The following NRXN3 variants were observed in gnomAD, a reference collection of about 807,000 sequenced individuals.
NRXN3 encodes neurexin 3.
In NRXN3, 32 loss-of-function variants were observed where a neutral mutation model predicts 137.6. The ratio of observed to expected loss-of-function variants is 0.23; its 90% confidence interval spans 0.18 to 0.31. NRXN3 has a LOEUF of 0.31. Ranked by LOEUF, NRXN3 falls within the 10% of genes least tolerant of loss-of-function variation. The pLI is 1.00. For synonymous variants in NRXN3, 798 were observed against 784.5 expected (o/e 1.02, Z -0.29); for missense variants, 1,574 against 2,062.5 (o/e 0.76, Z 4.59).
intron 15 of NRXN3, among the ~76,000 whole-genome samples, chr14:79,126,315 TC>T (rs1274471036): frequency 2.1e-5 from 3 of 140,132 alleles, no homozygotes; most frequent in Non-Finnish European, 4.7e-5. Context: ...CCCAATGCTA[TC>T]CCTCCCCCCC....
At chr14:78,342,063 A>G (rs1567310504) in intron 4 of NRXN3, among the ~76,000 whole-genome samples, 1 of 152,168 alleles carries the variant, frequency 6.6e-6, no homozygotes, top group Non-Finnish European at 1.5e-5. Flanking sequence ...TGCTTTATCA[A>G]CTGTCCAGGT....
intron 4 of NRXN3, among the ~76,000 whole-genome samples, chr14:78,561,542 G>A (rs2096786101): frequency 6.6e-6 from 1 of 152,176 alleles, no homozygotes; most frequent in African/African-American, 2.4e-5. Flanking sequence ...ACAGGTTTAT[G>A]CCATAGGGGA....
At chr14:78,244,780 A>G (rs1053604790) in intron 2 of NRXN3, among the ~76,000 whole-genome samples, 1 of 152,216 alleles carries the variant, frequency 6.6e-6, no homozygotes. Flanking sequence ...AAAGAGGCAC[A>G]GAGATTGACT....
intron 19 of NRXN3, among the ~76,000 whole-genome samples, chr14:79,730,010 A>C (rs1008656548): frequency 6.6e-6 from 1 of 152,130 alleles, no homozygotes; most frequent in African/African-American, 2.4e-5. Flanking sequence ...AGACAGAAAA[A>C]CAGCATCATG....
intron 15 of NRXN3, among the ~76,000 whole-genome samples, chr14:79,434,262 A>T (rs1012098267): frequency 6.6e-6 from 1 of 152,210 alleles, no homozygotes; most frequent in Non-Finnish European, 1.5e-5. Context: ...GCTCTAGATT[A>T]GAAAATAAAG....
rs1202719886 is a variant in NRXN3 at position 79,644,527 on chromosome 14, G to A, written c.3445-19251G>A. Among the ~76,000 whole-genome samples, 3 of 135,832 alleles carry A rather than the reference G, an allele frequency of 2.2e-5. 1 individual carries two copies. Among genetic ancestry groups the A allele is most frequent in the Non-Finnish European group, 5.1e-5 (3 of 58,432 alleles). 89.1% of individuals were successfully genotyped at this position (135,832 alleles called of 152,430 possible). ...GTAAAACTGAGATTCATATACAACT[G>A]TGCAAAATATGTGTCCCTTTACTTA... On this transcript the variant is annotated intron_variant, in intron 16 of 20. Coordinates refer to ENST00000335750, the MANE Select transcript of NRXN3 (RefSeq NM_001330195.2).
chr14:79,672,746 T>C (rs2098616489), intron 17 of NRXN3, among the ~76,000 whole-genome samples: 1 of 152,050 alleles, frequency 6.6e-6, no homozygotes, highest in African/African-American at 2.4e-5. Flanking sequence ...ACAATTACCC[T>C]GTACCGTTTT....
At chr14:78,355,410 T>C (rs1257898081) in intron 4 of NRXN3, among the ~76,000 whole-genome samples, 2 of 150,624 alleles carry the variant, frequency 1.3e-5, no homozygotes, top group African/African-American at 2.5e-5. Context: ...AGAGTCTTTT[T>C]TGTTTTTGTT....
intron 16 of NRXN3, among the ~76,000 whole-genome samples, chr14:79,571,385 G>T (rs958232449): frequency 1.3e-5 from 2 of 152,134 alleles, no homozygotes; most frequent in African/African-American, 2.4e-5. Flanking sequence ...CCATTTAAAT[G>T]CAAAGGACAC....
In NRXN3 at chr14:79,207,714, A is replaced by G. The variant is rs192941314; in HGVS notation, c.3262+219573A>G. ...CCACTAAAGATCCTGCTTTGAATGA[A>G]CCAAGGTCCCAGGGGATTGTTGCAT... On this transcript the variant is annotated intron_variant, in intron 15 of 20. Transcript: ENST00000335750. Among the ~76,000 whole-genome samples, 116 of 152,270 alleles carry G rather than the reference A, an allele frequency of 7.6e-4. 2 individuals carry two copies. In the South Asian group the frequency reaches 9.6e-3, roughly 13 times the overall value.
intron 15 of NRXN3, among the ~76,000 whole-genome samples, chr14:79,042,997 A>G (rs976116925): frequency 1.3e-5 from 2 of 152,214 alleles, no homozygotes; most frequent in African/African-American, 2.4e-5. Context: ...ATAAAGCTTC[A>G]GAACATACAG....
intron 15 of NRXN3, among the ~76,000 whole-genome samples, chr14:79,027,830 A>G (rs371830919): frequency 1.3e-4 from 20 of 152,292 alleles, no homozygotes; most frequent in Admixed American, 2.0e-4. Flanking sequence ...TGAATCCACC[A>G]GTCCTTTTCT....
chr14:79,354,118 A>ACTC (rs1212031501), intron 15 of NRXN3, among the ~76,000 whole-genome samples: 1 of 152,186 alleles, frequency 6.6e-6, no homozygotes, highest in Non-Finnish European at 1.5e-5. Context: ...CATAAAAGTC[A>ACTC]AATGTTTAAT....
intron 17 of NRXN3, among the ~76,000 whole-genome samples, chr14:79,689,474 G>A (rs939884549): frequency 2.6e-5 from 4 of 152,108 alleles, no homozygotes; most frequent in South Asian, 4.2e-4. Context: ...ATGTTAATGC[G>A]GCAACTTAAA....
intron 15 of NRXN3, among the ~76,000 whole-genome samples, chr14:79,270,969 C>A (rs2079201596): frequency 6.6e-6 from 1 of 152,172 alleles, no homozygotes; most frequent in Non-Finnish European, 1.5e-5. Context: ...ACCTTCTGTT[C>A]AGAGAACATT....
intron 16 of NRXN3, among the ~76,000 whole-genome samples, chr14:79,627,043 A>G (rs539852479): frequency 6.6e-6 from 1 of 152,312 alleles, no homozygotes; most frequent in Admixed American, 6.5e-5. Context: ...GACAGGTTAA[A>G]AAAAAGACAT....
At chr14:79,813,239 A>G (rs1347454154) in intron 20 of NRXN3, among the ~76,000 whole-genome samples, 1 of 152,266 alleles carries the variant, frequency 6.6e-6, no homozygotes, top group Non-Finnish European at 1.5e-5. Flanking sequence ...AGATTTCTTT[A>G]TCATAATTAT....
At chr14:79,033,813 C>T (rs1247646878) in intron 15 of NRXN3, among the ~76,000 whole-genome samples, 1 of 152,090 alleles carries the variant, frequency 6.6e-6, no homozygotes, top group Non-Finnish European at 1.5e-5. Flanking sequence ...GTGAGAGACA[C>T]AATGAGGCCT....
chr14:78,995,660 A>G (rs569158215), intron 15 of NRXN3, among the ~76,000 whole-genome samples: 4 of 152,360 alleles, frequency 2.6e-5, no homozygotes, highest in African/African-American at 7.2e-5. Flanking sequence ...TCAAAAAGTT[A>G]AAAACATGAC....
Sources: allele counts gnomAD v4.1 joint callset (sites outside exome capture counted in the v4.1 genomes callset), GRCh38; gene constraint gnomAD v4.1.1; transcripts MANE v1.5; gene names NCBI Gene and HGNC (gene_info 2026-07-23, HGNC 2026-07-21).